ADK: variants seen among roughly 807,000 people sequenced by gnomAD.
The protein encoded by ADK is N6,N6-dimethyladenosine kinase.
ADK carries 24 observed loss-of-function variants against 44.7 expected under a neutral mutation model. The observed-to-expected ratio is 0.54, with a 90% CI of 0.39 to 0.76. The LOEUF is 0.76. Ranked by LOEUF, ADK falls within the 30% of genes least tolerant of loss-of-function variation. The pLI is 0.00. For synonymous variants in ADK, 128 were observed against 142.6 expected (o/e 0.90, Z 0.73); for missense variants, 321 against 425.1 (o/e 0.76, Z 2.15).
chr10:74,667,436 G>C (rs1430478805), intron 9 of ADK, among the ~76,000 whole-genome samples: 1 of 151,330 alleles, frequency 6.6e-6, no homozygotes, highest in Non-Finnish European at 1.5e-5. Flanking sequence ...TCAATGATGT[G>C]TGTGTGTGTA....
intron 7 of ADK, among the ~76,000 whole-genome samples, chr10:74,535,432 C>T (rs957043984): frequency 2.0e-5 from 3 of 151,902 alleles, no homozygotes; most frequent in Admixed American, 6.6e-5. Flanking sequence ...AACTGCACTC[C>T]GGTCTGGGTA....
At chr10:74,536,792 C>T (rs1589227634) in intron 7 of ADK, among the ~76,000 whole-genome samples, 1 of 152,066 alleles carries the variant, frequency 6.6e-6, no homozygotes, top group East Asian at 1.9e-4. Flanking sequence ...TTAGCATAAT[C>T]TTTTTAAACT....
chr10:74,479,465 G>A (rs1179924523), intron 6 of ADK, among the ~76,000 whole-genome samples: 1 of 139,348 alleles, frequency 7.2e-6, no homozygotes, highest in African/African-American at 2.7e-5. Context: ...GTTTGTTTTA[G>A]TGTCTCTTTG....
At chr10:74,612,279 G>T (rs4746209) in intron 9 of ADK, among the ~76,000 whole-genome samples, 76,692 of 151,838 alleles carry the variant, frequency 0.51, 23,310 homozygotes, top group African/African-American at 0.83. Flanking sequence ...TTTAAAAATT[G>T]TATTGATTTA....
chr10:74,264,015 A>T (rs1311475150), intron 3 of ADK, among the ~76,000 whole-genome samples: 5 of 152,234 alleles, frequency 3.3e-5, no homozygotes, highest in Non-Finnish European at 7.3e-5. Context: ...AAATATGTGG[A>T]TGTTTAAATT....
chr10:74,253,413 AC>A (rs1845719928), intron 3 of ADK, among the ~76,000 whole-genome samples: 1 of 152,132 alleles, frequency 6.6e-6, no homozygotes, highest in Non-Finnish European at 1.5e-5. Context: ...AGCAGTGTTG[AC>A]ATGGCACACT....
At chr10:74,528,686 A>G (rs1849161543) in intron 7 of ADK, among the ~76,000 whole-genome samples, 1 of 152,212 alleles carries the variant, frequency 6.6e-6, no homozygotes, top group Admixed American at 6.5e-5. Flanking sequence ...GCAAACTAAC[A>G]ACATAATTCA....
intron 9 of ADK, among the ~76,000 whole-genome samples, chr10:74,620,376 T>G (rs1000056980): frequency 6.6e-6 from 1 of 152,222 alleles, no homozygotes; most frequent in Non-Finnish European, 1.5e-5. Context: ...GTGTTTAACT[T>G]TGTGTTCCTG....
At chr10:74,402,636 C>G (rs1011563430) in intron 6 of ADK, among the ~76,000 whole-genome samples, 1 of 152,060 alleles carries the variant, frequency 6.6e-6, no homozygotes, top group Admixed American at 6.6e-5. Flanking sequence ...TTCTAGTTAG[C>G]CTGTCGTCTA....
chr10:74,587,983 C>T (rs931895046), intron 7 of ADK, among the ~76,000 whole-genome samples: 1 of 151,820 alleles, frequency 6.6e-6, no homozygotes, highest in Non-Finnish European at 1.5e-5. Flanking sequence ...AATTTTTTAA[C>T]CATACATATT....
intron 1 of ADK, among the ~76,000 whole-genome samples, chr10:74,188,343 A>ATTT (rs765922880): frequency 0.015 from 1,232 of 81,120 alleles, 17 homozygotes; most frequent in Non-Finnish European, 0.019. Context: ...TGTATTTTTA[A>ATTT]TTTTTTTTTT....
intron 4 of ADK, among the ~76,000 whole-genome samples, chr10:74,347,949 G>C (rs1405161165): frequency 5.3e-5 from 8 of 152,176 alleles, no homozygotes; most frequent in Non-Finnish European, 1.0e-4. Context: ...CCATCTCCCT[G>C]GGACAGAGCA....
intron 9 of ADK, among the ~76,000 whole-genome samples, chr10:74,610,777 C>T (rs1052286747): frequency 2.0e-5 from 3 of 151,828 alleles, no homozygotes; most frequent in Non-Finnish European, 4.4e-5. Context: ...GTGTTCTTTA[C>T]CTGTTGGAGA....
chr10:74,626,757 A>G (rs574234140), intron 9 of ADK, among the ~76,000 whole-genome samples: 3 of 152,244 alleles, frequency 2.0e-5, no homozygotes, highest in Admixed American at 1.3e-4. Context: ...TTCCCTCCCA[A>G]TGTTGTTTAA....
chr10:74,307,526 A>G (rs1474685310), intron 3 of ADK, among the ~76,000 whole-genome samples: 1 of 152,164 alleles, frequency 6.6e-6, no homozygotes, highest in Non-Finnish European at 1.5e-5. Flanking sequence ...TATGATTTAT[A>G]TGGCCTTCCT....
chr10:74,385,391 A>G (rs1365374805), intron 4 of ADK, among the ~76,000 whole-genome samples: 1 of 152,156 alleles, frequency 6.6e-6, no homozygotes, highest in Non-Finnish European at 1.5e-5. Context: ...ATAGATGATA[A>G]TTGAAACCAT....
At chr10:74,409,815 C>T (rs899093779) in intron 6 of ADK, among the ~76,000 whole-genome samples, 2 of 152,088 alleles carry the variant, frequency 1.3e-5, no homozygotes, top group Non-Finnish European at 2.9e-5. Flanking sequence ...TACAAAGAAA[C>T]AGAAGTATAT....
chr10:74,222,820 A>G (rs1214834122), intron 2 of ADK, among the ~76,000 whole-genome samples: 7 of 133,050 alleles, frequency 5.3e-5, no homozygotes, highest in Admixed American at 4.3e-4. Flanking sequence ...ATGAGAACAC[A>G]TGGACACAGG....
chr10:74,566,902 A>G lies in ADK; in HGVS notation c.727-22380A>G, dbSNP rs182924259. On this transcript the variant is annotated intron_variant, in intron 7 of 10. Transcript: ENST00000539909. ...TAAATCTACTCACTGACTTAGACCA[A>G]TTATTTCATAATGGAATCTCTACTT... 2.2e-3 allele frequency among the ~76,000 whole-genome samples: 339 copies of G among 152,342 alleles called. 1 individual carries two copies. Among genetic ancestry groups the G allele is most frequent in the African/African-American group, 7.8e-3 (323 of 41,584 alleles).
Sources: allele counts gnomAD v4.1 joint callset (sites outside exome capture counted in the v4.1 genomes callset), GRCh38; gene constraint gnomAD v4.1.1; transcripts MANE v1.5; gene names NCBI Gene and HGNC (gene_info 2026-07-23, HGNC 2026-07-21).